Variants in LAMC1 observed in about 807,000 individuals in gnomAD.
LAMC1 encodes laminin subunit gamma 1, also known as laminin subunit gamma-1.
A neutral mutation model predicts 173.6 loss-of-function variants in LAMC1; 38 were observed. The ratio of observed to expected loss-of-function variants is 0.22; its 90% confidence interval spans 0.17 to 0.29. The LOEUF (loss-of-function observed/expected upper bound fraction) is 0.29, where lower values mean the gene tolerates loss of function less well. Among genes scored for constraint, LAMC1 ranks in the 10% least tolerant of loss-of-function variants. The pLI is 1.00. For synonymous variants in LAMC1, 746 were observed against 749.1 expected, an observed-to-expected ratio of 1.00 and a Z score of 0.07; for missense variants, 1,824 against 2,051.8, an observed-to-expected ratio of 0.89 and a Z score of 2.14.
At position 183,109,459 on chromosome 1, in the gene LAMC1, T is replaced by G. The variant is rs112763414; in HGVS notation, c.855-1029T>G. 2.6e-5 allele frequency among the ~76,000 whole-genome samples: 4 copies of G among 152,330 alleles called. 1 individual carries two copies. The highest frequency in any genetic ancestry group is 9.6e-5 in the African/African-American group (4 of 41,574). The stretch of plus-strand genomic sequence containing the variant: ...ATTGTGAAGGAAATGTTACCAGGAC[T>G]TCAGTCAAAGGTCCTTTTATTTAGT... On this transcript the variant is annotated intron_variant, in intron 3 of 27. Coordinates refer to ENST00000258341, the MANE Select transcript of LAMC1 (RefSeq NM_002293.4).
chr1:183,118,153 TATG>T lies in LAMC1; in HGVS notation c.1990+10_1990+12del, dbSNP rs778515374. ...GGGACATACAGTGAGAGAAGTAAGT[TATG>T]ATATAATTTAGGAGAGTTGTTTAAA... On this transcript the variant is annotated splice_region_variant and intron_variant, in intron 11 of 27. Transcript: ENST00000258341. The T allele has an allele frequency of 3.5e-6, 5 of 1,447,758 alleles. No homozygotes were observed. Among genetic ancestry groups the T allele is most frequent in the Non-Finnish European group, 4.8e-6 (5 of 1,031,790 alleles). 89.7% of individuals were successfully genotyped at this position (1,447,758 alleles called of 1,614,324 possible). A position where few individuals can be genotyped will look rare whatever the true frequency, so the allele number is the denominator to read the frequency against.
At chr1:183,050,216 T>TGTTGTAATA (rs1235880932) in intron 1 of LAMC1, among the ~76,000 whole-genome samples, 19 of 152,096 alleles carry the variant, frequency 1.2e-4, no homozygotes, top group African/African-American at 4.1e-4. Flanking sequence ...ACATTGTGAC[T>TGTTGTAATA]GTTGTAATAG....
At chr1:183,078,763 C>T (rs1427767069) in intron 1 of LAMC1, among the ~76,000 whole-genome samples, 4 of 151,986 alleles carry the variant, frequency 2.6e-5, no homozygotes, top group Admixed American at 2.6e-4. Flanking sequence ...GTAATCCCAG[C>T]AATTTGGGAG....
Position 183,103,381 on chromosome 1 carries a change from G to C in LAMC1, c.472G>C (p.Glu158Gln). The change falls in exon 2 of 28, where the codon GAG becomes CAG. Residue 158 changes from glutamate to glutamine, a missense_variant. By Grantham distance (29) the Glu-to-Gln change is conservative. Transcript: ENST00000258341. ...VRLKFHTSRPESFAIYKRTRE... is the reference protein window; with the variant it reads ...VRLKFHTSRPQSFAIYKRTRE... Reference sequence around the variant, plus strand: ...TCTCAAGTTCCACACCAGCCGCCCGGAGAGCTTTGCCATTTACAAGCGCAC... The same window carrying C: ...TCTCAAGTTCCACACCAGCCGCCCGCAGAGCTTTGCCATTTACAAGCGCAC... 1 of 1,614,186 alleles carries C rather than the reference G, an allele frequency of 6.2e-7. No individual in the cohort carries two copies. The highest frequency in any genetic ancestry group is 8.5e-7 in the Non-Finnish European group (1 of 1,180,036).
intron 4 of LAMC1, among the ~76,000 whole-genome samples, chr1:183,110,947 T>C (rs1314492069): frequency 6.6e-6 from 1 of 152,208 alleles, no homozygotes; most frequent in Non-Finnish European, 1.5e-5. Context: ...TGTAGTCTAC[T>C]CCGGAATATG....
chr1:183,129,575 T>C (rs202030665), intron 18 of LAMC1, among the ~76,000 whole-genome samples: 29 of 143,994 alleles, frequency 2.0e-4, no homozygotes, highest in Admixed American at 3.6e-4. Context: ...TTTTTTTTTT[T>C]CCCACATTCC....
chr1:183,052,524 G>A lies in LAMC1; in HGVS notation c.418+28390G>A, dbSNP rs1654458405. Among the ~76,000 whole-genome samples, 5 of 152,048 alleles carry A rather than the reference G, an allele frequency of 3.3e-5. 1 individual carries two copies. In the South Asian group the frequency reaches 1.0e-3, roughly 32 times the overall value. On this transcript the variant is annotated intron_variant, in intron 1 of 27. Coordinates refer to ENST00000258341, the MANE Select transcript of LAMC1 (RefSeq NM_002293.4). Reference sequence around the variant, plus strand: ...AATTTTTATATTTTTAGTAGAGGTGGAGTTTCACCATGTTGGCCAGGCTGG... The same window carrying A: ...AATTTTTATATTTTTAGTAGAGGTGAAGTTTCACCATGTTGGCCAGGCTGG...
chr1:183,119,994 G>T (rs1279716136), intron 11 of LAMC1, among the ~76,000 whole-genome samples: 1 of 151,732 alleles, frequency 6.6e-6, no homozygotes, highest in African/African-American at 2.4e-5. Context: ...AACATAGCAA[G>T]ATTCTGTCTC....
intron 1 of LAMC1, among the ~76,000 whole-genome samples, chr1:183,102,073 G>A (rs1356542004): frequency 2.6e-5 from 4 of 152,186 alleles, no homozygotes; most frequent in African/African-American, 9.7e-5. Context: ...GCCCCACTGT[G>A]TTGCACTGAG....
rs1262875867 is a variant in LAMC1 at position 183,114,681 on chromosome 1, A to G, written c.1172A>G (p.Asn391Ser). The stretch of plus-strand genomic sequence containing the variant: ...CGAGAGAACTTCTTCCGCCTTGGCA[A>G]CAATGAAGCCTGCTCTTCATGCCAC... The part of the protein sequence containing the change: ...RCRENFFRLG[N>S]NEACSSCHCS... The change falls in exon 5 of 28, where the codon AAC becomes AGC. Residue 391 changes from asparagine (N) to serine (S), a missense_variant. Physicochemically the swap from Asn to Ser is conservative, Grantham distance 46. Coordinates refer to ENST00000258341, the MANE Select transcript of LAMC1 (RefSeq NM_002293.4). 1.2e-6 allele frequency: 2 copies of G among 1,614,238 alleles called. No homozygotes were observed. The highest frequency in any genetic ancestry group is 1.7e-6 in the Non-Finnish European group (2 of 1,180,036).
At chr1:183,034,856 C>T (rs1653938028) in intron 1 of LAMC1, among the ~76,000 whole-genome samples, 1 of 152,164 alleles carries the variant, frequency 6.6e-6, no homozygotes. Flanking sequence ...TTGTCAAGTG[C>T]CTCCTGGTTA....
intron 18 of LAMC1, among the ~76,000 whole-genome samples, chr1:183,129,246 C>T (rs975733770): frequency 1.9e-4 from 20 of 103,398 alleles, no homozygotes; most frequent in African/African-American, 6.2e-4. Context: ...CCCACCATGC[C>T]CGGGGTAATT....
At chr1:183,074,481 G>A (rs1655081690) in intron 1 of LAMC1, among the ~76,000 whole-genome samples, 1 of 152,192 alleles carries the variant, frequency 6.6e-6, no homozygotes, top group Admixed American at 6.5e-5. Context: ...ACTCTTGACA[G>A]GGTCCTGGTC....
At chr1:183,108,763 G>A (rs989547764) in intron 3 of LAMC1, among the ~76,000 whole-genome samples, 2 of 152,152 alleles carry the variant, frequency 1.3e-5, no homozygotes, top group East Asian at 3.8e-4. Flanking sequence ...GACCTTCTTG[G>A]ATCTTACACA....
intron 1 of LAMC1, among the ~76,000 whole-genome samples, chr1:183,041,603 A>G (rs568840446): frequency 1.3e-5 from 2 of 152,344 alleles, no homozygotes; most frequent in South Asian, 2.1e-4. Flanking sequence ...AGACGAATCC[A>G]TAGATTTCTT....
rs578160846 is a variant in LAMC1 at position 183,115,987 on chromosome 1, A to G, written c.1328+350A>G. On this transcript the variant is annotated intron_variant, in intron 6 of 27. Transcript: ENST00000258341. The stretch of plus-strand genomic sequence containing the variant: ...ACTAAAAATACAAAAAAAATTAGCC[A>G]GGCGTGGTGGCGGGCAGCAGTAGTC... 3.2e-3 allele frequency among the ~76,000 whole-genome samples: 494 copies of G among 152,190 alleles called. 2 individuals carry two copies. Among genetic ancestry groups the G allele is most frequent in the Non-Finnish European group, 5.8e-3 (397 of 68,010 alleles).
At chr1:183,044,290 A>T (rs1258882381) in intron 1 of LAMC1, among the ~76,000 whole-genome samples, 1 of 152,088 alleles carries the variant, frequency 6.6e-6, no homozygotes, top group East Asian at 1.9e-4. Context: ...TGGAAGAAAA[A>T]TGCCTTCTCT....
intron 1 of LAMC1, 97 bp from the exon 2 acceptor site, chr1:183,103,231 T>G: frequency 4.3e-6 from 5 of 1,153,832 alleles, no homozygotes; most frequent in Non-Finnish European, 6.3e-6. Context: ...ACAAGGAGAT[T>G]TATATCCTTT....
At chr1:183,044,711 T>C (rs563948211) in intron 1 of LAMC1, among the ~76,000 whole-genome samples, 28 of 152,278 alleles carry the variant, frequency 1.8e-4, no homozygotes, top group African/African-American at 6.0e-4. Flanking sequence ...ATAGAAGACC[T>C]GTCTGTTCTG....
Sources: gnomAD v4.1 joint callset for allele counts (sites outside exome capture counted in the v4.1 genomes callset) on GRCh38, gnomAD v4.1.1 for gene constraint, MANE v1.5 for transcripts, NCBI Gene and HGNC (gene_info 2026-07-23, HGNC 2026-07-21) for gene names.